Variants in COL8A1 observed in about 807,000 individuals in gnomAD.
COL8A1 encodes the protein collagen type VIII alpha 1 chain.
In COL8A1, 21 loss-of-function variants were observed where a neutral mutation model predicts 42.7. The ratio of observed to expected loss-of-function variants is 0.49; its 90% CI spans 0.35 to 0.71. COL8A1 has a LOEUF of 0.71. Among genes scored for constraint, COL8A1 ranks in the 30% least tolerant of loss-of-function variants. COL8A1 has a pLI of 0.01. For missense variants in COL8A1, 788 were observed against 962.4 expected, an observed-to-expected ratio of 0.82 and a Z score of 2.40; for synonymous variants, 367 against 369.1, an observed-to-expected ratio of 0.99 and a Z score of 0.06.
intron 1 of COL8A1, among the ~76,000 whole-genome samples, chr3:99,709,976 A>G (rs1243974259): frequency 1.3e-5 from 2 of 152,116 alleles, no homozygotes; most frequent in Non-Finnish European, 1.5e-5. Flanking sequence ...GTTGGAGGGG[A>G]CAGGGGAATC....
chr3:99,776,944 A>G (rs1941705022), intron 2 of COL8A1, among the ~76,000 whole-genome samples: 1 of 152,202 alleles, frequency 6.6e-6, no homozygotes, highest in African/African-American at 2.4e-5. Flanking sequence ...CTAATGCATT[A>G]TAACTAGCAT....
intron 2 of COL8A1, among the ~76,000 whole-genome samples, chr3:99,788,132 A>C (rs1268815664): frequency 6.6e-6 from 1 of 152,198 alleles, no homozygotes; most frequent in Non-Finnish European, 1.5e-5. Flanking sequence ...AAATATCCTC[A>C]GGGACAGGAG....
At chr3:99,669,146 TAGAGGGAGAG>T (rs1475603473) in intron 1 of COL8A1, among the ~76,000 whole-genome samples, 3 of 115,364 alleles carry the variant, frequency 2.6e-5, no homozygotes, top group African/African-American at 9.1e-5. Flanking sequence ...TATATATATA[TAGAGGGAGAG>T]AGAGAGAGAG....
chr3:99,650,934 A>C (rs985511778), intron 1 of COL8A1, among the ~76,000 whole-genome samples: 1 of 152,202 alleles, frequency 6.6e-6, no homozygotes, highest in Non-Finnish European at 1.5e-5. Flanking sequence ...AGTGAATGCT[A>C]TGACTGCAGT....
chr3:99,675,579 A>G (rs534059486), intron 1 of COL8A1: 1 of 152,624 alleles, frequency 6.6e-6, no homozygotes, highest in African/African-American at 2.4e-5. Context: ...CACTGCTTGA[A>G]GTTAAAATGT....
At chr3:99,721,123 C>T (rs1940137777) in intron 1 of COL8A1, among the ~76,000 whole-genome samples, 2 of 152,082 alleles carry the variant, frequency 1.3e-5, no homozygotes, top group South Asian at 2.1e-4. Context: ...AAAGAGCAAA[C>T]ATGCCATCCC....
rs763884046 is a variant in COL8A1, at chr3:99,795,242, G to T, written c.1341G>T (p.Gly447=). The change falls in exon 4 of 4, where the codon GGG becomes GGT. Residue 447 remains glycine, a synonymous_variant. Coordinates refer to ENST00000652472, the MANE Select transcript of COL8A1 (RefSeq NM_020351.4). ...AGCCAGGTTTCCTTGGTGAAGTAGG[G>T]CCTCCTGGCATGAGGGGTTTGCCAG... ...PGKPGFLGEV[G]PPGMRGLPGP... The T allele has an allele frequency of 1.2e-6, 2 of 1,613,468 alleles. No homozygotes were observed. Among genetic ancestry groups the T allele is most frequent in the South Asian group, 2.2e-5 (2 of 91,032 alleles).
intron 1 of COL8A1, among the ~76,000 whole-genome samples, chr3:99,707,344 C>T (rs1939708850): frequency 6.6e-6 from 1 of 152,218 alleles, no homozygotes; most frequent in African/African-American, 2.4e-5. Context: ...AATAACCAGG[C>T]TCTCAAGCCC....
intron 1 of COL8A1, among the ~76,000 whole-genome samples, chr3:99,684,106 C>G (rs1350129015): frequency 6.6e-6 from 1 of 152,140 alleles, no homozygotes; most frequent in Non-Finnish European, 1.5e-5. Flanking sequence ...CCATGATGTT[C>G]TGGACTTGTT....
chr3:99,749,428 A>C (rs1941095958), intron 2 of COL8A1, among the ~76,000 whole-genome samples: 1 of 152,120 alleles, frequency 6.6e-6, no homozygotes, highest in African/African-American at 2.4e-5. Flanking sequence ...TATTCATTTA[A>C]GCTCCACAAG....
At chr3:99,675,981 A>G (rs1284983978) in intron 1 of COL8A1, among the ~76,000 whole-genome samples, 1 of 152,128 alleles carries the variant, frequency 6.6e-6, no homozygotes, top group Non-Finnish European at 1.5e-5. Context: ...ATGAATAATC[A>G]TATCTGGTGT....
intron 1 of COL8A1, chr3:99,707,075 G>A (rs1011288214): frequency 6.6e-6 from 1 of 152,144 alleles, no homozygotes; most frequent in African/African-American, 2.4e-5. Context: ...TGGAACTAAG[G>A]ACAGAAAAGT....
intron 1 of COL8A1, among the ~76,000 whole-genome samples, chr3:99,730,088 C>T (rs1940456686): frequency 6.6e-6 from 1 of 152,138 alleles, no homozygotes; most frequent in Admixed American, 6.6e-5. Flanking sequence ...CAGTTCCTTT[C>T]TTTTCCTGAT....
chr3:99,760,820 C>T (rs922138892), intron 2 of COL8A1, among the ~76,000 whole-genome samples: 1 of 152,180 alleles, frequency 6.6e-6, no homozygotes, highest in Non-Finnish European at 1.5e-5. Context: ...AGAGGGTAGG[C>T]AGCCAAAAAG....
chr3:99,688,684 T>C (rs1939133342), intron 1 of COL8A1, among the ~76,000 whole-genome samples: 1 of 152,196 alleles, frequency 6.6e-6, no homozygotes, highest in African/African-American at 2.4e-5. Flanking sequence ...TGTATTATTA[T>C]TACTTCATCT....
chr3:99,798,845 T>A lies in COL8A1; in HGVS notation c.*2709T>A, dbSNP rs375670248. On this transcript the variant is annotated 3_prime_UTR_variant, in exon 4 of 4. Coordinates refer to ENST00000652472, the MANE Select transcript of COL8A1 (RefSeq NM_020351.4). Reference sequence around the variant, plus strand: ...TATCTATGTGCCTGTATTTCCCTTTTGAGTGCTGCACAACATGTTAACATA... The same window carrying A: ...TATCTATGTGCCTGTATTTCCCTTTAGAGTGCTGCACAACATGTTAACATA... 1.7e-4 allele frequency: 26 copies of A among 152,380 alleles called. No homozygotes were observed. The East Asian group carries it at 3.7e-3, about 21-fold the overall frequency. 9.4% of individuals were successfully genotyped at this position (152,380 alleles called of 1,614,324 possible).
chr3:99,709,818 GT>G (rs1458328915), intron 1 of COL8A1, among the ~76,000 whole-genome samples: 1 of 152,092 alleles, frequency 6.6e-6, no homozygotes, highest in Non-Finnish European at 1.5e-5. Flanking sequence ...TTTTTGAAAT[GT>G]TTTTAAGAAC....
chr3:99,674,636 G>C (rs1446675067), intron 1 of COL8A1, among the ~76,000 whole-genome samples: 1 of 151,970 alleles, frequency 6.6e-6, no homozygotes, highest in Non-Finnish European at 1.5e-5. Context: ...AAAAATGCTA[G>C]AAATTGTCCC....
Position 99,798,125 on chromosome 3 carries a change from A to G in COL8A1, c.*1989A>G, listed in dbSNP as rs147339055. The G allele has an allele frequency of 6.6e-4, 101 of 152,330 alleles. No homozygotes were observed. The highest frequency in any genetic ancestry group is 2.3e-3 in the African/African-American group (94 of 41,580). The allele number at this position is 152,330 out of a possible 1,614,324, so 9.4% of individuals were successfully genotyped here. A position where few individuals can be genotyped will look rare whatever the true frequency, so the allele number is the denominator to read the frequency against. ...AATGTGTCTTTGTCAAATCTGAATC[A>G]TTATTACCATCACAAAAATTCTTCT... On this transcript the variant is annotated 3_prime_UTR_variant, in exon 4 of 4. Coordinates refer to ENST00000652472, the MANE Select transcript of COL8A1 (RefSeq NM_020351.4).
Sources: allele counts gnomAD v4.1 joint callset (sites outside exome capture counted in the v4.1 genomes callset), GRCh38; gene constraint gnomAD v4.1.1; transcripts MANE v1.5; gene names NCBI Gene and HGNC (gene_info 2026-07-23, HGNC 2026-07-21).